PTPRD: variants seen among roughly 807,000 people sequenced by gnomAD.
PTPRD encodes the protein protein tyrosine phosphatase receptor type D.
A neutral mutation model predicts 214.5 loss-of-function variants in PTPRD; 34 were observed. The ratio of observed to expected loss-of-function variants is 0.16; its 90% confidence interval spans 0.12 to 0.21. PTPRD has a LOEUF of 0.21. Among genes scored for constraint, PTPRD ranks in the 10% least tolerant of loss-of-function variants. The pLI is 1.00. For missense variants in PTPRD, 2,545 were observed against 2,398.7 expected (o/e 1.06, Z -1.27); for synonymous variants, 1,128 against 845.7 (o/e 1.33, Z -5.79).
At chr9:10,459,346 T>A (rs2098941413) in intron 2 of PTPRD, among the ~76,000 whole-genome samples, 1 of 152,236 alleles carries the variant, frequency 6.6e-6, no homozygotes. Context: ...TTGTGAATTG[T>A]GCCGCAATAG....
chr9:9,885,521 G>A (rs538101561), intron 5 of PTPRD, among the ~76,000 whole-genome samples: 2 of 151,986 alleles, frequency 1.3e-5, no homozygotes, highest in African/African-American at 2.4e-5. Context: ...CATGGCAAAC[G>A]GACTTTGCAG....
intron 8 of PTPRD, among the ~76,000 whole-genome samples, chr9:9,485,606 G>T (rs1457312310): frequency 1.3e-5 from 2 of 152,048 alleles, no homozygotes; most frequent in African/African-American, 2.4e-5. Flanking sequence ...GAAATTACGT[G>T]ATCAAATAAG....
intron 7 of PTPRD, among the ~76,000 whole-genome samples, chr9:9,697,128 A>G (rs1595480562): frequency 6.6e-6 from 1 of 152,092 alleles, no homozygotes; most frequent in Non-Finnish European, 1.5e-5. Flanking sequence ...ACATATTTTT[A>G]TAGTGCCTGT....
chr9:9,362,309 A>G (rs2056455983), intron 9 of PTPRD, among the ~76,000 whole-genome samples: 1 of 151,200 alleles, frequency 6.6e-6, no homozygotes, highest in Admixed American at 6.6e-5. Context: ...ATAAATATAT[A>G]GGCATATAAA....
chr9:8,404,190 A>G (rs998924762), intron 36 of PTPRD, among the ~76,000 whole-genome samples: 1 of 152,146 alleles, frequency 6.6e-6, no homozygotes, highest in Non-Finnish European at 1.5e-5. Flanking sequence ...GTACAGTGAC[A>G]CGATCTCGGC....
chr9:8,926,518 CTG>C (rs1235744965), intron 11 of PTPRD, among the ~76,000 whole-genome samples: 1 of 152,074 alleles, frequency 6.6e-6, no homozygotes, highest in Admixed American at 6.6e-5. Flanking sequence ...AAGGAAAGTT[CTG>C]TGTTTTAACT....
At chr9:10,185,281 C>T (rs762502791) in intron 3 of PTPRD, among the ~76,000 whole-genome samples, 2 of 151,902 alleles carry the variant, frequency 1.3e-5, no homozygotes, top group Non-Finnish European at 2.9e-5. Flanking sequence ...ATATTTGAGG[C>T]CAAGAGAAGA....
intron 9 of PTPRD, among the ~76,000 whole-genome samples, chr9:9,269,296 C>T (rs1239780177): frequency 6.6e-6 from 1 of 151,166 alleles, no homozygotes; most frequent in Non-Finnish European, 1.5e-5. Flanking sequence ...CAAATCAAAA[C>T]CACAATAAGA....
At chr9:8,639,800 T>C (rs568197689) in intron 12 of PTPRD, among the ~76,000 whole-genome samples, 13 of 152,328 alleles carry the variant, frequency 8.5e-5, no homozygotes, top group East Asian at 1.9e-4. Flanking sequence ...AAATTAAACA[T>C]AGAAATCTTA....
intron 38 of PTPRD, among the ~76,000 whole-genome samples, chr9:8,376,325 C>G (rs534485538): frequency 6.6e-6 from 1 of 152,156 alleles, no homozygotes; most frequent in Non-Finnish European, 1.5e-5. Context: ...TCAGGTTTAA[C>G]TACCAGGAGA....
intron 11 of PTPRD, among the ~76,000 whole-genome samples, chr9:8,794,121 G>T (rs1282625070): frequency 2.0e-5 from 3 of 150,860 alleles, no homozygotes; most frequent in African/African-American, 7.3e-5. Flanking sequence ...CAGCAGCAAT[G>T]CATTTTTTCC....
At chr9:8,745,910 G>A (rs1005669492) in intron 11 of PTPRD, among the ~76,000 whole-genome samples, 1 of 151,812 alleles carries the variant, frequency 6.6e-6, no homozygotes, top group East Asian at 1.9e-4. Context: ...CTATCCTCCC[G>A]CCTCTACCCC....
intron 4 of PTPRD, among the ~76,000 whole-genome samples, chr9:10,030,412 T>C (rs1399996200): frequency 6.6e-6 from 1 of 152,276 alleles, no homozygotes; most frequent in Non-Finnish European, 1.5e-5. Flanking sequence ...TGCTATCGAA[T>C]AGATATGTTG....
intron 5 of PTPRD, among the ~76,000 whole-genome samples, chr9:9,919,528 C>CT (rs2081957019): frequency 6.6e-6 from 1 of 152,132 alleles, no homozygotes; most frequent in South Asian, 2.1e-4. Flanking sequence ...ATGAAGTACA[C>CT]TTAAGAGCTT....
intron 3 of PTPRD, among the ~76,000 whole-genome samples, chr9:10,282,137 A>G (rs1363313808): frequency 1.3e-5 from 2 of 152,172 alleles, no homozygotes; most frequent in African/African-American, 4.8e-5. Context: ...ACTCTGGTAG[A>G]ACTGGGTTTG....
At chr9:10,040,185 T>A (rs1268347580) in intron 3 of PTPRD, among the ~76,000 whole-genome samples, 2 of 152,050 alleles carry the variant, frequency 1.3e-5, no homozygotes, top group Non-Finnish European at 2.9e-5. Flanking sequence ...TTTTTTTGGT[T>A]AAACGGATTC....
At chr9:10,533,393 T>G (rs768843094) in intron 2 of PTPRD, among the ~76,000 whole-genome samples, 2 of 152,172 alleles carry the variant, frequency 1.3e-5, no homozygotes, top group Non-Finnish European at 2.9e-5. Flanking sequence ...AAAAATATTC[T>G]TATATTGTGT....
At chr9:9,777,562 G>C in intron 5 of PTPRD, among the ~76,000 whole-genome samples, 1 of 152,012 alleles carries the variant, frequency 6.6e-6, no homozygotes, top group African/African-American at 2.4e-5. Context: ...GCCAGTTATG[G>C]TGGCACATGC....
chr9:10,288,654 A>C (rs1309633166), intron 3 of PTPRD, among the ~76,000 whole-genome samples: 4 of 152,192 alleles, frequency 2.6e-5, no homozygotes, highest in African/African-American at 4.8e-5. Flanking sequence ...TATCTAATTA[A>C]AGAATTAGAA....
Sources: allele counts gnomAD v4.1 joint callset (sites outside exome capture counted in the v4.1 genomes callset), GRCh38; gene constraint gnomAD v4.1.1; transcripts MANE v1.5; gene names NCBI Gene and HGNC (gene_info 2026-07-23, HGNC 2026-07-21).